UBR4: variants seen among roughly 807,000 people sequenced by gnomAD.
UBR4 encodes ubiquitin protein ligase E3 component n-recognin 4.
Under a neutral mutation model 575.6 loss-of-function variants are expected in UBR4, and 124 were observed. That is an observed-to-expected ratio of 0.22 (90% CI 0.19 to 0.25). UBR4 has a LOEUF of 0.25. UBR4 is among the 10% of genes least tolerant of loss of function. The pLI is 1.00. For synonymous variants in UBR4, 2,455 were observed against 2,473.7 expected (o/e 0.99, Z 0.22); for missense variants, 4,818 against 6,478.8 (o/e 0.74, Z 8.80).
Position 19,152,556 on chromosome 1 carries a change from G to C in UBR4, c.6833-80C>G. ...CACTGGTAAAGACTCCTCCCAGACA[G>C]AGCCCACACTCACACTCTAATCTAA... On this transcript the variant is annotated intron_variant, in intron 46 of 105. Coordinates refer to ENST00000375254, the MANE Select transcript of UBR4 (RefSeq NM_020765.3). This position sits in a 1 kb window ranked among gnomAD's most constrained non-coding sequence, Gnocchi z 4.4. 1 of 1,566,618 alleles carries C rather than the reference G, an allele frequency of 6.4e-7. No homozygotes were observed. Among genetic ancestry groups the C allele is most frequent in the Non-Finnish European group, 8.7e-7 (1 of 1,146,374 alleles).
rs2148706725 is a variant in UBR4 at position 19,086,681 on chromosome 1, G to A, written c.14685C>T (p.Val4895=). The change falls in exon 100 of 106, where the codon GTC becomes GTT. Residue 4895 remains valine (V), a splice_region_variant and synonymous_variant. Coordinates refer to ENST00000375254, the MANE Select transcript of UBR4 (RefSeq NM_020765.3). ...ATTCCGCAAGAGCCAGGGCCTACCT[G>A]ACGGCAGCCAGATGGCAGTCGTAGT... ...IVHYDCHLAA[V]RLARGREEWE... is the part of the protein sequence containing the mutation. 1 of 1,614,014 alleles carries A rather than the reference G, an allele frequency of 6.2e-7. No individual in the cohort carries two copies. Among genetic ancestry groups the A allele is most frequent in the Non-Finnish European group, 8.5e-7 (1 of 1,179,978 alleles).
At chr1:19,159,773 T>C (rs570830720) in intron 39 of UBR4, among the ~76,000 whole-genome samples, 6 of 140,122 alleles carry the variant, frequency 4.3e-5, no homozygotes, top group Admixed American at 6.9e-5. Flanking sequence ...AAATTTTTTG[T>C]GTGTTTTTTG....
At chr1:19,106,301 G>A (rs545182227) in intron 83 of UBR4, among the ~76,000 whole-genome samples, 1 of 152,282 alleles carries the variant, frequency 6.6e-6, no homozygotes, top group South Asian at 2.1e-4. Flanking sequence ...AAAATGGAAG[G>A]AGAAAAGGGA....
At chr1:19,161,384 G>A (rs55750886) in intron 37 of UBR4, among the ~76,000 whole-genome samples, 1,586 of 152,260 alleles carry the variant, frequency 0.01, 25 homozygotes, top group African/African-American at 0.036. Context: ...TAGGAAAAAC[G>A]AACTACAAGA....
In UBR4 at chr1:19,141,413, G is replaced by A. The variant is rs1309066044; in HGVS notation, c.8422C>T (p.Pro2808Ser). 1.2e-6 allele frequency: 2 copies of A among 1,614,144 alleles called. No individual in the cohort carries two copies. The highest frequency in any genetic ancestry group is 1.3e-5 in the African/African-American group (1 of 74,954). ...ACCATGGTCTCGTCATCTGCATCAG[G>A]TGGGATGTCCAGCATGGGGGGGAAG... The part of the protein sequence containing the change: ...EGFPPMLDIP[P>S]DADDETMVEL... The change falls in exon 57 of 106, where the codon CCT becomes TCT. Residue 2808 changes from proline (P) to serine (S), a missense_variant. Around this residue, in one of 29 missense-constraint regions of UBR4, gnomAD observed 129 missense variants for 198.4 expected, o/e 0.65. Coordinates refer to ENST00000375254, the MANE Select transcript of UBR4 (RefSeq NM_020765.3).
chr1:19,141,252 G>A, intron 57 of UBR4, 95 bp downstream of exon 57: 1 of 1,554,322 alleles, frequency 6.4e-7, no homozygotes, highest in Non-Finnish European at 8.8e-7. Flanking sequence ...CCCATATCTG[G>A]GGACAAACTA....
In UBR4 at chr1:19,147,917, T is replaced by C. The variant is rs986798360; in HGVS notation, c.7629+76A>G. On this transcript the variant is annotated intron_variant, in intron 51 of 105. Coordinates refer to ENST00000375254, the MANE Select transcript of UBR4 (RefSeq NM_020765.3). Reference sequence around the variant, plus strand: ...CCCTCTACCTTACTTTGCTGTGCTGTTGCTTTACAATGAAAAGCTAACTTA... The same window carrying C: ...CCCTCTACCTTACTTTGCTGTGCTGCTGCTTTACAATGAAAAGCTAACTTA... 6 of 1,564,622 alleles carry C rather than the reference T, an allele frequency of 3.8e-6. No individual in the cohort carries two copies. In the African/African-American group the frequency reaches 8.1e-5, roughly 21 times the overall value.
At chr1:19,154,032 G>T in intron 44 of UBR4, 93 bp from the exon 45 acceptor site, 1 of 1,401,258 alleles carries the variant, frequency 7.1e-7, no homozygotes, top group Non-Finnish European at 9.8e-7. Context: ...CTGGCTACGT[G>T]ACTCCAAAGC....
chr1:19,174,178 A>G, intron 22 of UBR4, 141 bp downstream of exon 22: 3 of 1,160,406 alleles, frequency 2.6e-6, no homozygotes. Context: ...AGCTACACAA[A>G]CTACCTAGAA....
At chr1:19,149,888 G>A in intron 49 of UBR4, 1 of 1,000,576 alleles carries the variant, frequency 1.0e-6, no homozygotes, top group South Asian at 1.6e-5. Flanking sequence ...TGTATGGATA[G>A]GGCATCGGGG....
intron 90 of UBR4, 55 bp downstream of exon 90, chr1:19,099,542 C>T (rs1174910719): frequency 4.0e-6 from 6 of 1,512,328 alleles, no homozygotes; most frequent in Non-Finnish European, 5.5e-6. Context: ...TGGTACAAGT[C>T]TGCATAAGTC....
At chr1:19,078,243 G>A in intron 103 of UBR4, 177 bp from the exon 104 acceptor site, 1 of 580,484 alleles carries the variant, frequency 1.7e-6, no homozygotes, top group Non-Finnish European at 3.0e-6. Flanking sequence ...TGGAGCCCTG[G>A]GACCCAGAAG....
At chr1:19,178,345 TGGAAAGAGATTTGTGTTTTAATATTA>T (rs1184267489) in intron 18 of UBR4, among the ~76,000 whole-genome samples, 1 of 152,248 alleles carries the variant, frequency 6.6e-6, no homozygotes, top group Non-Finnish European at 1.5e-5. Flanking sequence ...TTTGGCTATT[TGGAAAGAGATTTGTGTTTTAATATTA>T]GGAAAGAGAT....
chr1:19,156,361 A>C lies in UBR4; in HGVS notation c.5982T>G (p.Pro1994=). The change falls in exon 42 of 106, where the codon CCT becomes CCG. Residue 1994 remains proline (P), a synonymous_variant. Transcript: ENST00000375254. Reference sequence around the variant, plus strand: ...TGATGAAGTTCCCCGTTGCCAACTGAGGGTGCAAAACCAAGTGATCCGAAA... The same window carrying C: ...TGATGAAGTTCCCCGTTGCCAACTGCGGGTGCAAAACCAAGTGATCCGAAA... ...GSVSDHLVLH[P]QLATGNFIIK... 6.2e-7 allele frequency: 1 copy of C among 1,614,224 alleles called. No individual in the cohort carries two copies. The highest frequency in any genetic ancestry group is 8.5e-7 in the Non-Finnish European group (1 of 1,180,022).
chr1:19,190,546 C>A (rs2091990999), intron 11 of UBR4, among the ~76,000 whole-genome samples: 1 of 151,858 alleles, frequency 6.6e-6, no homozygotes, highest in African/African-American at 2.4e-5. Context: ...ATCTTACACT[C>A]AGCATGGCCA....
Position 19,157,147 on chromosome 1 carries a change from A to G in UBR4, c.5761-222T>C, listed in dbSNP as rs910371820. 3.9e-5 allele frequency among the ~76,000 whole-genome samples: 6 copies of G among 152,216 alleles called. No homozygotes were observed. Among genetic ancestry groups the G allele is most frequent in the East Asian group, 3.8e-4 (2 of 5,198 alleles). On this transcript the variant is annotated intron_variant, in intron 40 of 105. Transcript: ENST00000375254. This position sits in a 1 kb window ranked among gnomAD's most constrained non-coding sequence, Gnocchi z 4.4. Reference sequence around the variant, plus strand: ...ACAGAACAGGTAAGTAATGAAAACAATTTCTCTTTATATAGTTCACAAAAT... The same window carrying G: ...ACAGAACAGGTAAGTAATGAAAACAGTTTCTCTTTATATAGTTCACAAAAT...
rs2086518813 is a variant in UBR4 at position 19,156,753 on chromosome 1, A to G, written c.5919+14T>C. The G allele has an allele frequency of 6.2e-7, 1 of 1,610,926 alleles. No individual in the cohort carries two copies. ...CACAGCTCAAGGCAATCAAACCTAGATCCGGATTTTTACCTTTAGCCCACA... is the reference window on the plus strand; with the variant it reads ...CACAGCTCAAGGCAATCAAACCTAGGTCCGGATTTTTACCTTTAGCCCACA... On this transcript the variant is annotated intron_variant, in intron 41 of 105. Transcript: ENST00000375254.
At chr1:19,116,359 C>A (rs1422957710) in intron 73 of UBR4, among the ~76,000 whole-genome samples, 1 of 152,176 alleles carries the variant, frequency 6.6e-6, no homozygotes, top group Non-Finnish European at 1.5e-5. Context: ...AAAAATCAAA[C>A]CCACCTCCTC....
rs200536437 is a variant in UBR4, at chr1:19,180,196, A to T, written c.2185-976T>A. 9.8e-3 allele frequency among the ~76,000 whole-genome samples: 1,458 copies of T among 149,478 alleles called. 9 individuals are homozygous for T. Among genetic ancestry groups the T allele is most frequent in the Non-Finnish European group, 0.016 (1,074 of 67,236 alleles). ...CTAAAACCATGTTCTTTATTTATTT[A>T]TTTTTTTTTTGAGATAGAGTCTCAC... On this transcript the variant is annotated intron_variant, in intron 17 of 105. Transcript: ENST00000375254.
Sources: gnomAD v4.1 joint callset for allele counts (sites outside exome capture counted in the v4.1 genomes callset) on GRCh38, gnomAD v4.1.1 for gene constraint, gnomAD v4.1.1 regional missense constraint, Gnocchi (gnomAD v3.1) non-coding constraint, MANE v1.5 for transcripts, NCBI Gene and HGNC (gene_info 2026-07-23, HGNC 2026-07-21) for gene names.